The following PACSIN2 variants were observed in gnomAD, a reference collection of about 807,000 sequenced individuals.
PACSIN2 encodes protein kinase C and casein kinase substrate in neurons protein 2.
PACSIN2 carries 25 observed loss-of-function variants against 63.8 expected under a neutral mutation model. That is an observed-to-expected ratio of 0.39 (90% CI 0.29 to 0.55). The LOEUF is 0.55. PACSIN2 is among the 20% of genes least tolerant of loss of function. PACSIN2 has a pLI of 0.62. For synonymous variants in PACSIN2, 255 were observed against 256.2 expected (o/e 1.00, Z 0.05); for missense variants, 518 against 646.9 (o/e 0.80, Z 2.16).
At chr22:42,948,944 C>G (rs948493839) in intron 1 of PACSIN2, among the ~76,000 whole-genome samples, 13 of 152,166 alleles carry the variant, frequency 8.5e-5, no homozygotes, top group Non-Finnish European at 1.5e-4. Flanking sequence ...AGGCAACAAT[C>G]TGAAACTAAT....
At chr22:42,956,007 G>A (rs745607984) in intron 1 of PACSIN2, among the ~76,000 whole-genome samples, 1 of 152,214 alleles carries the variant, frequency 6.6e-6, no homozygotes, top group Non-Finnish European at 1.5e-5. Context: ...AAATTGGGAA[G>A]TTCAACATTT....
chr22:42,916,636 T>C (rs1016075591), intron 1 of PACSIN2, among the ~76,000 whole-genome samples: 3 of 152,064 alleles, frequency 2.0e-5, no homozygotes, highest in Non-Finnish European at 4.4e-5. Context: ...CCCCAACTGC[T>C]TGCACACCTT....
At chr22:42,912,505 C>A (rs1232743824) in intron 1 of PACSIN2, among the ~76,000 whole-genome samples, 2 of 152,224 alleles carry the variant, frequency 1.3e-5, no homozygotes, top group African/African-American at 4.8e-5. Context: ...ACACCCTACT[C>A]CCCTCTCCAG....
chr22:42,986,863 T>C (rs1421758786), intron 1 of PACSIN2, among the ~76,000 whole-genome samples: 1 of 152,212 alleles, frequency 6.6e-6, no homozygotes, highest in East Asian at 1.9e-4. Flanking sequence ...GAAACCTAGA[T>C]GTGGTCTCAC....
At chr22:42,931,763 C>CGTT (rs1932783123) in intron 1 of PACSIN2, among the ~76,000 whole-genome samples, 1 of 152,156 alleles carries the variant, frequency 6.6e-6, no homozygotes. Context: ...GCAGAGATCA[C>CGTT]GTTGTTATTA....
chr22:42,987,617 C>T (rs2267485), intron 1 of PACSIN2, among the ~76,000 whole-genome samples: 28,987 of 144,530 alleles, frequency 0.2, 4,842 homozygotes, highest in East Asian at 0.68. Flanking sequence ...CTGCAACCTC[C>T]GCCTCCCGGG....
At chr22:42,985,352 T>C (rs1369812502) in intron 1 of PACSIN2, among the ~76,000 whole-genome samples, 1 of 152,218 alleles carries the variant, frequency 6.6e-6, no homozygotes, top group African/African-American at 2.4e-5. Flanking sequence ...CCTCTCTGGA[T>C]GGGGTGCTCA....
chr22:42,981,450 C>T (rs1922116449), intron 1 of PACSIN2, among the ~76,000 whole-genome samples: 1 of 94,586 alleles, frequency 1.1e-5, no homozygotes, highest in Non-Finnish European at 2.1e-5. Flanking sequence ...AGCCCCTCTG[C>T]CCGGCCAGCC....
In PACSIN2 at chr22:42,893,539, C is replaced by A; in HGVS notation, c.135G>T (p.Leu45=). The change falls in exon 3 of 11, where the codon CTG becomes CTT. Residue 45 remains leucine, a synonymous_variant. Transcript: ENST00000263246. ...HRLCSDLMNC[L]HERARIEKAY... is the part of the protein sequence containing the mutation. ...CCTTCTCGATGCGCGCCCGCTCATG[C>A]AGGCAGTTCATGAGGTCGCTGCACA... The A allele has an allele frequency of 6.2e-7, 1 of 1,614,146 alleles. No homozygotes were observed. The highest frequency in any genetic ancestry group is 8.5e-7 in the Non-Finnish European group (1 of 1,180,024).
At chr22:42,895,502 T>A (rs1159170520) in intron 2 of PACSIN2, among the ~76,000 whole-genome samples, 1 of 152,218 alleles carries the variant, frequency 6.6e-6, no homozygotes, top group Non-Finnish European at 1.5e-5. Flanking sequence ...AACCTGCTTA[T>A]CTCTGTGATT....
In PACSIN2 at chr22:42,893,622, G is replaced by A. The variant is rs772941747; in HGVS notation, c.61-9C>T. 3 of 1,610,346 alleles carry A rather than the reference G, an allele frequency of 1.9e-6. No individual in the cohort carries two copies. The highest frequency in any genetic ancestry group is 4.5e-5 in the East Asian group (2 of 44,794). ...CGCTTGTAGTTCCCGACCTAGGAGA[G>A]AGAACCAGCTGGGAGGCAGGGGGCT... On this transcript the variant is annotated splice_polypyrimidine_tract_variant and intron_variant, in intron 2 of 10. Transcript: ENST00000263246.
chr22:42,884,382 T>C lies in PACSIN2; in HGVS notation c.785+4A>G, dbSNP rs992326100. The C allele has an allele frequency of 6.2e-7, 1 of 1,607,550 alleles. No individual in the cohort carries two copies. Among genetic ancestry groups the C allele is most frequent in the African/African-American group, 1.3e-5 (1 of 74,560 alleles). On this transcript the variant is annotated splice_donor_region_variant and intron_variant, in intron 6 of 10. Transcript: ENST00000263246. ...GTGTGTGTTTTAGCTCAAAGGAAAC[T>C]TACCCAGCCACATTGGACAGGTCTA... is the stretch of plus-strand genomic sequence containing the variant.
chr22:42,905,377 C>T (rs1348546822), intron 2 of PACSIN2, among the ~76,000 whole-genome samples: 1 of 152,240 alleles, frequency 6.6e-6, no homozygotes, highest in Non-Finnish European at 1.5e-5. Flanking sequence ...CACTCGGGCT[C>T]GGGAGTCATT....
chr22:42,906,751 AAC>A (rs1931102036), intron 2 of PACSIN2, among the ~76,000 whole-genome samples: 1 of 152,234 alleles, frequency 6.6e-6, no homozygotes, highest in Admixed American at 6.5e-5. Context: ...TACCATCAGA[AAC>A]ACAACTCTCC....
At chr22:42,920,702 G>A (rs568974487) in intron 1 of PACSIN2, among the ~76,000 whole-genome samples, 1 of 152,040 alleles carries the variant, frequency 6.6e-6, no homozygotes, top group South Asian at 2.1e-4. Flanking sequence ...CTGGAGACAG[G>A]CCTTGGCAGG....
chr22:42,893,348 C>T, intron 3 of PACSIN2, 109 bp downstream of exon 3: 1 of 1,177,860 alleles, frequency 8.5e-7, no homozygotes, highest in East Asian at 2.4e-5. Context: ...ACTCTTGCCC[C>T]AATCTTAAAA....
chr22:42,936,418 C>G (rs548981565), intron 1 of PACSIN2, among the ~76,000 whole-genome samples: 1 of 152,270 alleles, frequency 6.6e-6, no homozygotes, highest in South Asian at 2.1e-4. Flanking sequence ...TAGCACAAGA[C>G]TCCTCCCCTC....
intron 1 of PACSIN2, among the ~76,000 whole-genome samples, chr22:42,993,263 G>C (rs2146906540): frequency 6.6e-6 from 1 of 152,134 alleles, no homozygotes; most frequent in East Asian, 1.9e-4. Context: ...TGATTCTACA[G>C]TGGCAAAGAG....
intron 5 of PACSIN2, among the ~76,000 whole-genome samples, chr22:42,888,388 G>A (rs1929645502): frequency 6.6e-6 from 1 of 152,204 alleles, no homozygotes; most frequent in African/African-American, 2.4e-5. Flanking sequence ...GTGTCTCTGA[G>A]CACCAAGAGC....
Sources: gnomAD v4.1 joint callset for allele counts (sites outside exome capture counted in the v4.1 genomes callset) on GRCh38, gnomAD v4.1.1 for gene constraint, MANE v1.5 for transcripts, NCBI Gene and HGNC (gene_info 2026-07-23, HGNC 2026-07-21) for gene names.